The following TFB1M variants were observed in gnomAD, a reference collection of about 807,000 sequenced individuals.
TFB1M encodes the protein dimethyladenosine transferase 1, mitochondrial.
Under a neutral mutation model 31.1 loss-of-function variants are expected in TFB1M, and 27 were observed. That is an observed-to-expected ratio of 0.87 (90% CI 0.64 to 1.20). The LOEUF (loss-of-function observed/expected upper bound fraction) is 1.20. Among genes scored for constraint, TFB1M ranks in the 50% most tolerant of loss-of-function variants. The probability of loss-of-function intolerance (pLI) is 0.00; values close to 1 mark genes in which losing one functional copy is unlikely to be tolerated. For missense variants in TFB1M, 394 were observed against 418.7 expected (o/e 0.94, Z 0.51); for synonymous variants, 166 against 151.8 (o/e 1.09, Z -0.69).
intron 5 of TFB1M, among the ~76,000 whole-genome samples, chr6:155,269,324 C>CTTTTCTTT (rs532919388): frequency 6.3e-5 from 8 of 127,242 alleles, no homozygotes; most frequent in Non-Finnish European, 1.1e-4. Context: ...CTTTTCTTTT[C>CTTTTCTTT]TTTTTTTTTT....
chr6:155,245,767 T>TTTTTGCA, the TFB1M span: 2 of 1,440,622 alleles, frequency 1.4e-6, no homozygotes, highest in African/African-American at 1.4e-5. Context: ...TTTTTTTTTT[T>TTTTTGCA]TTTGCATTTT....
chr6:155,240,146 G>C, the TFB1M span, among the ~76,000 whole-genome samples: 1 of 152,204 alleles, frequency 6.6e-6, no homozygotes, highest in Non-Finnish European at 1.5e-5. Context: ...GAGGGGACTG[G>C]GTGGGCCTGT....
chr6:155,281,378 C>T (rs1451776656), intron 5 of TFB1M, among the ~76,000 whole-genome samples: 1 of 152,192 alleles, frequency 6.6e-6, no homozygotes, highest in African/African-American at 2.4e-5. Flanking sequence ...CCCGTTACAA[C>T]TCTCATAATA....
In TFB1M at chr6:155,256,614, C is replaced by T. The variant is rs372668542; in HGVS notation, c.*1222G>A. The T allele has an allele frequency of 6.2e-7, 1 of 1,614,112 alleles. No individual in the cohort carries two copies. The highest frequency in any genetic ancestry group is 2.2e-5 in the East Asian group (1 of 44,874). On this transcript the variant is annotated 3_prime_UTR_variant, in exon 7 of 7. Coordinates refer to ENST00000367166, the MANE Select transcript of TFB1M (RefSeq NM_016020.4). ...GCGGCACCCAGAGCAGCGGCTGCCC[C>T]ACGGCTGAGGGCAGGCAGGACTCCA...
At chr6:155,281,773 C>T (rs1337719568) in intron 5 of TFB1M, among the ~76,000 whole-genome samples, 1 of 147,856 alleles carries the variant, frequency 6.8e-6, no homozygotes, top group East Asian at 2.0e-4. Context: ...AAAGCCTTTC[C>T]ACTCTTTACG....
intron 6 of TFB1M, among the ~76,000 whole-genome samples, chr6:155,258,486 T>C (rs1583303684): frequency 1.3e-5 from 2 of 152,266 alleles, no homozygotes; most frequent in East Asian, 3.8e-4. Flanking sequence ...AGAATTTGAA[T>C]GTATCAGCCT....
At chr6:155,230,964 C>T in the TFB1M span, among the ~76,000 whole-genome samples, 1 of 151,306 alleles carries the variant, frequency 6.6e-6, no homozygotes, top group Non-Finnish European at 1.5e-5. Flanking sequence ...TCCTGAGTAG[C>T]TGGGATTACA....
At chr6:155,282,713 T>C (rs1776428586) in intron 5 of TFB1M, among the ~76,000 whole-genome samples, 1 of 152,112 alleles carries the variant, frequency 6.6e-6, no homozygotes. Flanking sequence ...TCTTCCTCTT[T>C]CTTATTTGAG....
chr6:155,239,842 T>C, the TFB1M span, among the ~76,000 whole-genome samples: 1 of 152,236 alleles, frequency 6.6e-6, no homozygotes, highest in Non-Finnish European at 1.5e-5. Context: ...CCAGGCCTTA[T>C]GTGTCCTCTG....
chr6:155,254,348 A>G, downstream of TFB1M: 1 of 1,563,960 alleles, frequency 6.4e-7, no homozygotes, highest in Non-Finnish European at 8.7e-7. Flanking sequence ...ACAGGAACAC[A>G]GGCGGGCGTG....
At chr6:155,230,752 A>AT in the TFB1M span, among the ~76,000 whole-genome samples, 2 of 151,316 alleles carry the variant, frequency 1.3e-5, no homozygotes, top group African/African-American at 2.4e-5. Flanking sequence ...ATGTAGTTCA[A>AT]TTTTATAAAA....
At chr6:155,252,465 T>C (rs1230150621), downstream of TFB1M, among the ~76,000 whole-genome samples, 1 of 152,144 alleles carries the variant, frequency 6.6e-6, no homozygotes, top group Non-Finnish European at 1.5e-5. Flanking sequence ...TGAGACCCTG[T>C]CAATAAATAC....
rs1777209185 is a variant in TFB1M, at chr6:155,297,057, T to C, written c.442A>G (p.Thr148Ala). 1 of 1,613,824 alleles carries C rather than the reference T, an allele frequency of 6.2e-7. No homozygotes were observed. Among genetic ancestry groups the C allele is most frequent in the African/African-American group, 1.3e-5 (1 of 75,000 alleles). Residue 148 changes from threonine to alanine, a missense_variant, in exon 4 of 7, where the codon ACT (threonine) becomes GCT (alanine). Coordinates refer to ENST00000367166, the MANE Select transcript of TFB1M (RefSeq NM_016020.4). ...IIGNLPFSVS[T>A]PLIIKWLENI... ...TCAAGCCACTTGATAATCAGTGGAG[T>C]TGAAACACTAAAAGGCAGATTTCCA...
downstream of TFB1M, chr6:155,254,238 A>G (rs1255613082): frequency 5.9e-6 from 6 of 1,018,928 alleles, no homozygotes; most frequent in Admixed American, 2.8e-5. Flanking sequence ...TAAATATCAA[A>G]ATCTTAAGAG....
intron 5 of TFB1M, among the ~76,000 whole-genome samples, chr6:155,262,470 C>G (rs113711877): frequency 6.9e-4 from 105 of 152,296 alleles, no homozygotes; most frequent in African/African-American, 2.4e-3. Flanking sequence ...TCCTGGCACC[C>G]TTGTCCCTGC....
chr6:155,291,225 A>G (rs162976), intron 4 of TFB1M, among the ~76,000 whole-genome samples: 108,107 of 152,092 alleles, frequency 0.71, 38,827 homozygotes, highest in East Asian at 0.98. Flanking sequence ...GGACAGTGTC[A>G]GAATTGAATG....
intron 3 of TFB1M, 34 bp downstream of exon 3, chr6:155,298,443 A>C (rs1036608829): frequency 1.9e-6 from 2 of 1,070,234 alleles, no homozygotes; most frequent in Non-Finnish European, 2.9e-6. Context: ...ATAATCATAA[A>C]AGAAATGTTT....
intron 5 of TFB1M, chr6:155,276,424 G>T: frequency 6.6e-7 from 1 of 1,518,870 alleles, no homozygotes; most frequent in East Asian, 2.3e-5. Context: ...GGTGCCAAAT[G>T]GGACTTTTAG....
chr6:155,240,778 TC>T, the TFB1M span: 1 of 1,505,546 alleles, frequency 6.6e-7, no homozygotes, highest in Admixed American at 1.9e-5. Context: ...CTGGCAGAGG[TC>T]CCCAGATCAC....
Sources: allele counts gnomAD v4.1 joint callset (sites outside exome capture counted in the v4.1 genomes callset), GRCh38; gene constraint gnomAD v4.1.1; transcripts MANE v1.5; gene names NCBI Gene and HGNC (gene_info 2026-07-23, HGNC 2026-07-21).